Variants in GALNT13 observed in about 807,000 individuals in gnomAD.
The protein encoded by GALNT13 is UDP-GalNAc:polypeptide N-acetylgalactosaminyltransferase 13.
In GALNT13, 28 loss-of-function variants were observed where a neutral mutation model predicts 64.2. That is an observed-to-expected ratio of 0.44 (90% CI 0.32 to 0.60). GALNT13 has a LOEUF of 0.60. Ranked by LOEUF, GALNT13 falls within the 20% of genes least tolerant of loss-of-function variation. The pLI is 0.05. For missense variants in GALNT13, 577 were observed against 669.8 expected (o/e 0.86, Z 1.53); for synonymous variants, 214 against 224.6 (o/e 0.95, Z 0.42).
At chr2:153,927,311 TAATTA>T (rs1436657331) in intron 2 of GALNT13, among the ~76,000 whole-genome samples, 2 of 152,056 alleles carry the variant, frequency 1.3e-5, no homozygotes, top group East Asian at 3.8e-4. Context: ...GCACAATTAT[TAATTA>T]AATTAATTAG....
chr2:153,068,317 A>G, the GALNT13 span, among the ~76,000 whole-genome samples: 1 of 152,166 alleles, frequency 6.6e-6, no homozygotes, highest in African/African-American at 2.4e-5. Context: ...TCACTCTCTT[A>G]AATGGTAGGG....
At chr2:153,149,229 C>A in the GALNT13 span, among the ~76,000 whole-genome samples, 2 of 151,840 alleles carry the variant, frequency 1.3e-5, no homozygotes, top group South Asian at 4.1e-4. Context: ...GTTTTGTTCT[C>A]ATTTTACAGA....
chr2:153,876,462 A>G (rs1234961647), intron 1 of GALNT13, among the ~76,000 whole-genome samples: 1 of 152,198 alleles, frequency 6.6e-6, no homozygotes, highest in Non-Finnish European at 1.5e-5. Flanking sequence ...AAATTTATGA[A>G]AATGAATACA....
At chr2:153,530,948 A>G in the GALNT13 span, among the ~76,000 whole-genome samples, 1 of 152,214 alleles carries the variant, frequency 6.6e-6, no homozygotes, top group African/African-American at 2.4e-5. Flanking sequence ...GCAAGAAAAC[A>G]TTGGAGAAAC....
At chr2:154,432,296 C>T (rs552458298) in intron 11 of GALNT13, among the ~76,000 whole-genome samples, 3 of 152,078 alleles carry the variant, frequency 2.0e-5, no homozygotes, top group African/African-American at 7.2e-5. Flanking sequence ...TACCAAGATA[C>T]AATAAATGTG....
intron 3 of GALNT13, among the ~76,000 whole-genome samples, chr2:154,019,652 ACAAAAG>A (rs1697291531): frequency 1.6e-5 from 2 of 124,786 alleles, no homozygotes; most frequent in Admixed American, 8.1e-5. Context: ...ACACACACAC[ACAAAAG>A]CAAGAAAAAT....
At chr2:153,868,679 TC>T (rs1252466595), upstream of GALNT13, among the ~76,000 whole-genome samples, 1 of 152,222 alleles carries the variant, frequency 6.6e-6, no homozygotes, top group African/African-American at 2.4e-5. Flanking sequence ...GCTGCTAAAC[TC>T]ATATCCCTGT....
At chr2:154,310,058 A>G (rs569691041) in intron 9 of GALNT13, among the ~76,000 whole-genome samples, 1 of 152,220 alleles carries the variant, frequency 6.6e-6, no homozygotes, top group African/African-American at 2.4e-5. Context: ...GGTTTTCTGT[A>G]TGTCTAAAAA....
the GALNT13 span, among the ~76,000 whole-genome samples, chr2:153,316,428 G>A: frequency 6.6e-6 from 1 of 151,904 alleles, no homozygotes; most frequent in African/African-American, 2.4e-5. Flanking sequence ...GGATCATGAG[G>A]TCAGGAGATC....
At position 154,452,215 on chromosome 2, in the gene GALNT13, G is replaced by T. The variant is rs1701898493; in HGVS notation, c.*1664G>T. The T allele has an allele frequency of 6.6e-6, 1 of 151,966 alleles. No individual in the cohort carries two copies. The highest frequency in any genetic ancestry group is 1.5e-5 in the Non-Finnish European group (1 of 67,968). The allele number at this position is 151,966 out of a possible 1,614,324, so 9.4% of individuals were successfully genotyped here. A position where few individuals can be genotyped will look rare whatever the true frequency, so the allele number is the denominator to read the frequency against. ...GTGAATCCGTGAATTTCCTAAAATT[G>T]TAAGCAAAATGTTGAATATCAGGGC... On this transcript the variant is annotated 3_prime_UTR_variant, in exon 13 of 13. Coordinates refer to ENST00000392825, the MANE Select transcript of GALNT13 (RefSeq NM_052917.4).
Position 154,438,733 on chromosome 2 carries a change from T to C in GALNT13, c.1530+7T>C. On this transcript the variant is annotated splice_region_variant and intron_variant, in intron 12 of 12. Transcript: ENST00000392825. ...ATGGGAATATGATGCTGAGGTATAG[T>C]ATTTTCTTAATTTACTTATTATTTG... 1.3e-6 allele frequency: 2 copies of C among 1,589,424 alleles called. No homozygotes were observed. The highest frequency in any genetic ancestry group is 1.7e-6 in the Non-Finnish European group (2 of 1,165,914).
chr2:153,134,250 A>G, the GALNT13 span, among the ~76,000 whole-genome samples: 1 of 152,196 alleles, frequency 6.6e-6, no homozygotes, highest in Non-Finnish European at 1.5e-5. Flanking sequence ...ATTTTGTTAA[A>G]GCATAAATGA....
the GALNT13 span, among the ~76,000 whole-genome samples, chr2:153,299,060 A>C: frequency 2.6e-5 from 4 of 152,212 alleles, no homozygotes; most frequent in Non-Finnish European, 5.9e-5. Context: ...TCCCCACTCC[A>C]TACCAAAAAA....
At chr2:153,641,099 A>G in the GALNT13 span, among the ~76,000 whole-genome samples, 1 of 152,148 alleles carries the variant, frequency 6.6e-6, no homozygotes, top group African/African-American at 2.4e-5. Context: ...CTAACCTTGT[A>G]TTAAAGTAAC....
chr2:153,249,176 G>A, the GALNT13 span, among the ~76,000 whole-genome samples: 71 of 152,264 alleles, frequency 4.7e-4, no homozygotes, highest in Non-Finnish European at 9.3e-4. Context: ...AGCAACATTA[G>A]CAAAGTTTCA....
At chr2:153,834,017 T>A in the GALNT13 span, among the ~76,000 whole-genome samples, 1 of 121,360 alleles carries the variant, frequency 8.2e-6, no homozygotes, top group Non-Finnish European at 1.8e-5. Flanking sequence ...AAAAAATTAA[T>A]TTTTTTTGTG....
chr2:153,999,120 G>A (rs1376398111), intron 3 of GALNT13, among the ~76,000 whole-genome samples: 1 of 152,046 alleles, frequency 6.6e-6, no homozygotes, highest in Non-Finnish European at 1.5e-5. Flanking sequence ...GAACAAAGCT[G>A]GAGGCATCAT....
rs1699679655 is a variant in GALNT13 at position 154,409,106 on chromosome 2, T to A, written c.1395+24T>A. ...AGGTAAACTCTCCCTTTTTATCAGC[T>A]TCATGTTTTAGAGGGAAAATATTGT... On this transcript the variant is annotated intron_variant, in intron 11 of 12. Transcript: ENST00000392825. 7 of 1,439,414 alleles carry A rather than the reference T, an allele frequency of 4.9e-6. No homozygotes were observed. In the East Asian group the frequency reaches 1.6e-4, roughly 33 times the overall value. 89.2% of individuals were successfully genotyped at this position (1,439,414 alleles called of 1,614,324 possible).
chr2:153,332,496 T>C, the GALNT13 span, among the ~76,000 whole-genome samples: 1 of 152,046 alleles, frequency 6.6e-6, no homozygotes, highest in African/African-American at 2.4e-5. Context: ...TTCTTGATAT[T>C]GATTTCTATT....
Sources: allele counts gnomAD v4.1 joint callset (sites outside exome capture counted in the v4.1 genomes callset), GRCh38; gene constraint gnomAD v4.1.1; transcripts MANE v1.5; gene names NCBI Gene and HGNC (gene_info 2026-07-23, HGNC 2026-07-21).